Variants in NELL2 observed in about 807,000 individuals in gnomAD.
The protein encoded by NELL2 is protein kinase C-binding protein NELL2.
NELL2 carries 41 observed loss-of-function variants against 109.6 expected under a neutral mutation model. The observed-to-expected ratio is 0.37, with a 90% CI of 0.29 to 0.49. The LOEUF (loss-of-function observed/expected upper bound fraction) is 0.49, where lower values mean the gene tolerates loss of function less well. NELL2 is among the 20% of genes least tolerant of loss of function. NELL2 has a pLI of 0.98. For missense variants in NELL2, 900 were observed against 1,008.3 expected (o/e 0.89, Z 1.45); for synonymous variants, 355 against 344.7 (o/e 1.03, Z -0.33).
chr12:44,671,016 G>A (rs537746723), intron 12 of NELL2, among the ~76,000 whole-genome samples: 2 of 152,110 alleles, frequency 1.3e-5, no homozygotes. Context: ...TACATGGAAA[G>A]TTCTCCAGGA....
At chr12:44,849,433 C>T (rs977692088) in intron 2 of NELL2, among the ~76,000 whole-genome samples, 1 of 152,034 alleles carries the variant, frequency 6.6e-6, no homozygotes, top group African/African-American at 2.4e-5. Context: ...CATGAGATAT[C>T]AGGGAAATAC....
chr12:44,545,596 A>C (rs1942760917), intron 15 of NELL2, among the ~76,000 whole-genome samples: 1 of 152,126 alleles, frequency 6.6e-6, no homozygotes, highest in South Asian at 2.1e-4. Context: ...TTTAAAGCTC[A>C]GTTCAGTAAA....
At chr12:44,543,874 G>A (rs1166809522) in intron 15 of NELL2, among the ~76,000 whole-genome samples, 1 of 151,970 alleles carries the variant, frequency 6.6e-6, no homozygotes, top group Non-Finnish European at 1.5e-5. Flanking sequence ...CTTAATTTCT[G>A]TATAAAACTC....
At chr12:44,512,664 T>C (rs1166413886) in intron 19 of NELL2, among the ~76,000 whole-genome samples, 2 of 152,112 alleles carry the variant, frequency 1.3e-5, no homozygotes, top group Non-Finnish European at 2.9e-5. Context: ...AATCTTGTCA[T>C]TTTCAACAAC....
chr12:44,674,104 T>C (rs926454591), intron 12 of NELL2, among the ~76,000 whole-genome samples: 1 of 152,150 alleles, frequency 6.6e-6, no homozygotes, highest in Non-Finnish European at 1.5e-5. Flanking sequence ...ACATTGTGCA[T>C]TGAATAGGGA....
chr12:44,525,592 T>A (rs989067536), intron 16 of NELL2, among the ~76,000 whole-genome samples: 3 of 152,214 alleles, frequency 2.0e-5, no homozygotes, highest in Admixed American at 2.0e-4. Flanking sequence ...ATAACAAGAT[T>A]CCCAAATTAA....
chr12:44,576,754 C>T (rs1271795834), intron 15 of NELL2, among the ~76,000 whole-genome samples: 2 of 151,910 alleles, frequency 1.3e-5, no homozygotes, highest in Non-Finnish European at 2.9e-5. Flanking sequence ...GTCCATGTGA[C>T]CTCATTGTTC....
intron 15 of NELL2, among the ~76,000 whole-genome samples, chr12:44,548,244 T>C (rs1942883394): frequency 6.6e-6 from 1 of 152,230 alleles, no homozygotes; most frequent in Non-Finnish European, 1.5e-5. Context: ...TAAGCTATTG[T>C]ATTTCTTCAA....
intron 1 of NELL2, among the ~76,000 whole-genome samples, chr12:44,887,059 G>A (rs1485503510): frequency 1.3e-5 from 2 of 152,072 alleles, no homozygotes; most frequent in Non-Finnish European, 2.9e-5. Context: ...TGGCTACTGT[G>A]AATAGTGCTG....
chr12:44,873,788 C>T lies in NELL2; in HGVS notation c.184+1437G>A, dbSNP rs542980766. ...GGTTAACCCTACTGACACTTCTATT[C>T]AACTGTGTGAAATTCTGCTGACAAT... On this transcript the variant is annotated intron_variant, in intron 2 of 19. Transcript: ENST00000429094. Among the ~76,000 whole-genome samples the T allele has an allele frequency of 9.9e-5, 15 of 151,282 alleles. No individual in the cohort carries two copies. The South Asian group carries it at 3.1e-3, about 32-fold the overall frequency.
chr12:44,570,000 A>G (rs149040237), intron 15 of NELL2, among the ~76,000 whole-genome samples: 331 of 152,302 alleles, frequency 2.2e-3, no homozygotes, highest in African/African-American at 7.2e-3. Flanking sequence ...TGATACAACA[A>G]GCCTCATCTG....
At chr12:44,513,225 A>AC (rs895203101) in intron 19 of NELL2, among the ~76,000 whole-genome samples, 13 of 151,756 alleles carry the variant, frequency 8.6e-5, no homozygotes, top group Admixed American at 2.6e-4. Flanking sequence ...TTTGAAACAG[A>AC]CCCCCCCTAA....
At chr12:44,723,202 A>T (rs551936758) in intron 9 of NELL2, among the ~76,000 whole-genome samples, 1 of 152,140 alleles carries the variant, frequency 6.6e-6, no homozygotes, top group South Asian at 2.1e-4. Flanking sequence ...AAAAAAAAAA[A>T]ACTCAATGCC....
chr12:44,798,118 A>T (rs1237300751), intron 3 of NELL2, among the ~76,000 whole-genome samples: 1 of 148,286 alleles, frequency 6.7e-6, no homozygotes, highest in Non-Finnish European at 1.5e-5. Context: ...GAATAAAATC[A>T]TTCCATCCTA....
chr12:44,693,679 A>G (rs765398483), intron 12 of NELL2, among the ~76,000 whole-genome samples: 51 of 152,190 alleles, frequency 3.4e-4, no homozygotes, highest in Admixed American at 7.9e-4. Flanking sequence ...AATTGTTTTG[A>G]GTCTGAGAAA....
chr12:44,518,438 G>A (rs1941374567), intron 19 of NELL2, among the ~76,000 whole-genome samples: 1 of 151,914 alleles, frequency 6.6e-6, no homozygotes, highest in Non-Finnish European at 1.5e-5. Context: ...GTAGAGACGG[G>A]GTTTCACCGT....
At chr12:44,820,085 A>G (rs1179589985) in intron 2 of NELL2, among the ~76,000 whole-genome samples, 1 of 152,218 alleles carries the variant, frequency 6.6e-6, no homozygotes, top group Non-Finnish European at 1.5e-5. Context: ...GAGAGTACAT[A>G]GAGGAAGTTT....
chr12:44,802,665 C>T (rs891383855), intron 3 of NELL2, among the ~76,000 whole-genome samples: 7 of 151,952 alleles, frequency 4.6e-5, no homozygotes, highest in African/African-American at 1.7e-4. Context: ...ATGGTGAATG[C>T]TGATATGCAT....
intron 2 of NELL2, among the ~76,000 whole-genome samples, chr12:44,859,721 G>A (rs905361031): frequency 2.0e-5 from 3 of 152,124 alleles, no homozygotes; most frequent in South Asian, 4.1e-4. Flanking sequence ...ATAAGCCAAC[G>A]AGAGGTGGAA....
Sources: gnomAD v4.1 joint callset for allele counts (sites outside exome capture counted in the v4.1 genomes callset) on GRCh38, gnomAD v4.1.1 for gene constraint, MANE v1.5 for transcripts, NCBI Gene and HGNC (gene_info 2026-07-23, HGNC 2026-07-21) for gene names.